Variants in WDFY3 observed in about 807,000 individuals in gnomAD.
The protein encoded by WDFY3 is WD repeat and FYVE domain containing 3.
Under a neutral mutation model 409.6 loss-of-function variants are expected in WDFY3, and 66 were observed. The ratio of observed to expected loss-of-function variants is 0.16; its 90% CI spans 0.13 to 0.20. WDFY3 has a LOEUF of 0.20. Ranked by LOEUF, WDFY3 falls within the 10% of genes least tolerant of loss-of-function variation. WDFY3 has a pLI of 1.00. For synonymous variants in WDFY3, 1,521 were observed against 1,537.1 expected (o/e 0.99, Z 0.25); for missense variants, 3,031 against 4,298.1 (o/e 0.71, Z 8.24).
At chr4:84,706,200 C>A (rs192160054) in intron 53 of WDFY3, among the ~76,000 whole-genome samples, 170 of 152,218 alleles carry the variant, frequency 1.1e-3, no homozygotes, top group African/African-American at 4.1e-3. Context: ...GAAATATGTG[C>A]CTGTGGCATA....
intron 45 of WDFY3, among the ~76,000 whole-genome samples, chr4:84,726,308 T>A (rs1171267305): frequency 1.3e-5 from 2 of 152,182 alleles, no homozygotes; most frequent in African/African-American, 2.4e-5. Flanking sequence ...CTACATTTTT[T>A]ATTAAATTAT....
At chr4:84,899,871 C>T (rs555099870) in intron 2 of WDFY3, among the ~76,000 whole-genome samples, 11 of 150,414 alleles carry the variant, frequency 7.3e-5, no homozygotes, top group Admixed American at 4.6e-4. Flanking sequence ...CCCATCTCCA[C>T]AAAAAAAAAT....
In WDFY3 at chr4:84,678,255, A is replaced by G. The variant is rs1207783513; in HGVS notation, c.10172T>C (p.Val3391Ala). ...KPGYRWERQL[V>A]FRSKLTMHTA... The stretch of plus-strand genomic sequence containing the variant: ...GTGCATAGTCAGCTTACTCCTGAAC[A>G]CCAGCTGCCGTTCCCATCGGTACCC... Residue 3391 changes from valine to alanine, a missense_variant, in exon 66 of 68, where the codon GTG becomes GCG. Around this residue, in one of 16 missense-constraint regions of WDFY3, gnomAD observed 378 missense variants for 477.3 expected, o/e 0.79. Transcript: ENST00000295888. The G allele has an allele frequency of 1.9e-6, 3 of 1,613,942 alleles. No individual in the cohort carries two copies. The highest frequency in any genetic ancestry group is 2.5e-6 in the Non-Finnish European group (3 of 1,179,994).
intron 2 of WDFY3, among the ~76,000 whole-genome samples, chr4:84,923,214 G>C (rs2150882088): frequency 6.6e-6 from 1 of 152,290 alleles, no homozygotes; most frequent in African/African-American, 2.4e-5. Flanking sequence ...CTTAAAAGTA[G>C]GAGATGAAAT....
Position 84,741,935 on chromosome 4 carries a change from G to A in WDFY3, c.6074-14C>T. The A allele has an allele frequency of 1.3e-6, 2 of 1,559,448 alleles. No homozygotes were observed. The highest frequency in any genetic ancestry group is 2.3e-5 in the East Asian group (1 of 43,900). On this transcript the variant is annotated splice_polypyrimidine_tract_variant and intron_variant, in intron 37 of 67. Transcript: ENST00000295888. ...ATGCATCTTCCCCTAAATTCCAGTA[G>A]GAAAAAAAGTCTAAGAAAATTGATA...
chr4:84,884,310 T>G (rs1394998266), intron 3 of WDFY3, among the ~76,000 whole-genome samples: 2 of 151,404 alleles, frequency 1.3e-5, no homozygotes, highest in South Asian at 2.1e-4. Flanking sequence ...TTGATCTAGG[T>G]TTTTTTTTAA....
At chr4:84,953,037 C>G (rs1305892368) in intron 1 of WDFY3, among the ~76,000 whole-genome samples, 1 of 151,816 alleles carries the variant, frequency 6.6e-6, no homozygotes, top group Admixed American at 6.6e-5. Context: ...CTTGGTATCC[C>G]TCAACTATCA....
chr4:84,740,558 C>A, intron 38 of WDFY3, 142 bp from the exon 39 acceptor site: 1 of 727,548 alleles, frequency 1.4e-6, no homozygotes, highest in East Asian at 2.7e-5. Context: ...AGATACAAAG[C>A]TCTTACTATT....
chr4:84,819,980 G>GT, intron 12 of WDFY3, 105 bp downstream of exon 12: 2 of 1,059,530 alleles, frequency 1.9e-6, no homozygotes, highest in Non-Finnish European at 1.3e-6. Flanking sequence ...TGAATCAATA[G>GT]TTTTTTCTCT....
intron 46 of WDFY3, among the ~76,000 whole-genome samples, chr4:84,722,965 A>G (rs925652815): frequency 2.6e-5 from 4 of 152,228 alleles, no homozygotes; most frequent in African/African-American, 4.8e-5. Context: ...TTTTTAGCTT[A>G]ATGAATCAAA....
intron 3 of WDFY3, among the ~76,000 whole-genome samples, chr4:84,894,021 G>C (rs1765288989): frequency 6.6e-6 from 1 of 151,718 alleles, no homozygotes; most frequent in South Asian, 2.1e-4. Context: ...AGGTAATTTA[G>C]CACAGAATCA....
At chr4:84,877,767 A>G (rs958193676) in intron 3 of WDFY3, among the ~76,000 whole-genome samples, 1 of 152,204 alleles carries the variant, frequency 6.6e-6, no homozygotes, top group African/African-American at 2.4e-5. Context: ...GTCATATCCT[A>G]TTCAACTTTT....
chr4:84,884,457 T>C (rs1481831362), intron 3 of WDFY3, among the ~76,000 whole-genome samples: 1 of 152,010 alleles, frequency 6.6e-6, no homozygotes, highest in Non-Finnish European at 1.5e-5. Context: ...AGATGTCTCC[T>C]GAAAAGCAAA....
intron 2 of WDFY3, among the ~76,000 whole-genome samples, chr4:84,928,170 G>A (rs1444262759): frequency 6.6e-6 from 1 of 152,200 alleles, no homozygotes; most frequent in African/African-American, 2.4e-5. Flanking sequence ...AAGCCAGGAT[G>A]CCCTTCATCG....
intron 32 of WDFY3, 27 bp from the exon 33 acceptor site, chr4:84,757,188 G>T: frequency 6.3e-7 from 1 of 1,596,336 alleles, no homozygotes; most frequent in Non-Finnish European, 8.6e-7. Flanking sequence ...ATAACAGTAA[G>T]TGCAAAATCA....
intron 67 of WDFY3, among the ~76,000 whole-genome samples, chr4:84,673,699 G>C (rs1725800039): frequency 6.6e-6 from 1 of 151,978 alleles, no homozygotes; most frequent in Non-Finnish European, 1.5e-5. Context: ...TCCTATTCCT[G>C]GAATAAAGCC....
At chr4:84,913,357 G>A (rs1467123047) in intron 2 of WDFY3, among the ~76,000 whole-genome samples, 1 of 152,148 alleles carries the variant, frequency 6.6e-6, no homozygotes, top group Non-Finnish European at 1.5e-5. Context: ...TCCTGTTGGA[G>A]AAAAATGTTC....
rs1176852063 is a variant in WDFY3 at position 84,947,710 on chromosome 4, C to CAA, written c.-225-15349_-225-15348dup. 4.6e-3 allele frequency among the ~76,000 whole-genome samples: 353 copies of CAA among 77,432 alleles called. 2 individuals are homozygous for CAA. The highest frequency in any genetic ancestry group is 0.027 in the South Asian group (60 of 2,222). 50.8% of individuals were successfully genotyped at this position (77,432 alleles called of 152,430 possible). A position where few individuals can be genotyped will look rare whatever the true frequency, so the allele number is the denominator to read the frequency against. On this transcript the variant is annotated intron_variant, in intron 1 of 67. Transcript: ENST00000295888. ...ACATATCAAAAAACCCCACATCTACCAAAAAAAAAAAAAAAAAAAACATTA... is the reference window on the plus strand; with the variant it reads ...ACATATCAAAAAACCCCACATCTACCAAAAAAAAAAAAAAAAAAAAAACATTA...
At chr4:84,799,934 A>C (rs1750201800) in intron 17 of WDFY3, among the ~76,000 whole-genome samples, 1 of 152,196 alleles carries the variant, frequency 6.6e-6, no homozygotes, top group Non-Finnish European at 1.5e-5. Context: ...CTAACTATGC[A>C]ATGTAAGTTA....
Sources: gnomAD v4.1 joint callset for allele counts (sites outside exome capture counted in the v4.1 genomes callset) on GRCh38, gnomAD v4.1.1 for gene constraint, gnomAD v4.1.1 regional missense constraint, MANE v1.5 for transcripts, NCBI Gene and HGNC (gene_info 2026-07-23, HGNC 2026-07-21) for gene names.